SPAG17: variants seen among roughly 807,000 people sequenced by gnomAD.
The protein encoded by SPAG17 is sperm associated antigen 17.
SPAG17 carries 169 observed loss-of-function variants against 273.6 expected under a neutral mutation model. The ratio of observed to expected loss-of-function variants is 0.62; its 90% confidence interval spans 0.55 to 0.70. The LOEUF (loss-of-function observed/expected upper bound fraction) is 0.70, where lower values mean the gene tolerates loss of function less well. Among genes scored for constraint, SPAG17 ranks in the 30% least tolerant of loss-of-function variants. SPAG17 has a pLI of 0.00. For synonymous variants in SPAG17, 825 were observed against 873.2 expected (o/e 0.94, Z 0.97); for missense variants, 2,557 against 2,627.8 (o/e 0.97, Z 0.59).
intron 35 of SPAG17, among the ~76,000 whole-genome samples, chr1:117,993,408 T>C (rs190906402): frequency 6.6e-6 from 1 of 152,298 alleles, no homozygotes; most frequent in Admixed American, 6.5e-5. Flanking sequence ...TTTGTCATCA[T>C]GTAGTACTTA....
intron 20 of SPAG17, among the ~76,000 whole-genome samples, chr1:118,043,801 G>A (rs1331630880): frequency 6.6e-6 from 1 of 152,200 alleles, no homozygotes; most frequent in Non-Finnish European, 1.5e-5. Context: ...TATTCGTCCA[G>A]TATTAAAAAA....
At chr1:118,132,144 CACTGGGA>C (rs1658087558) in intron 3 of SPAG17, among the ~76,000 whole-genome samples, 1 of 152,174 alleles carries the variant, frequency 6.6e-6, no homozygotes, top group South Asian at 2.1e-4. Context: ...GCCTTCTCCA[CACTGGGA>C]GAGTCAGCAA....
intron 43 of SPAG17, among the ~76,000 whole-genome samples, chr1:117,977,155 C>CAA (rs5777331): frequency 6.4e-5 from 9 of 141,344 alleles, no homozygotes; most frequent in East Asian, 2.1e-4. Context: ...ACTAAAAATA[C>CAA]AAAAAAAAAA....
chr1:118,000,239 T>C (rs1389762437), intron 32 of SPAG17, among the ~76,000 whole-genome samples: 2 of 152,342 alleles, frequency 1.3e-5, no homozygotes, highest in South Asian at 2.1e-4. Flanking sequence ...TGTAGTATAG[T>C]TTGAAGTCAG....
chr1:117,966,237 G>A (rs1653826539), intron 47 of SPAG17: 1 of 162,232 alleles, frequency 6.2e-6, no homozygotes, highest in Non-Finnish European at 1.3e-5. Flanking sequence ...TGATAAGGAG[G>A]AATGCATGCA....
At chr1:118,126,359 C>G (rs1236568508) in intron 3 of SPAG17, among the ~76,000 whole-genome samples, 1 of 151,396 alleles carries the variant, frequency 6.6e-6, no homozygotes, top group Non-Finnish European at 1.5e-5. Flanking sequence ...GCGCCCGCCA[C>G]TACACCCAGC....
At chr1:117,983,335 G>A (rs972983923) in intron 42 of SPAG17, among the ~76,000 whole-genome samples, 17 of 152,178 alleles carry the variant, frequency 1.1e-4, no homozygotes, top group Non-Finnish European at 2.2e-4. Context: ...AGATTTGGGT[G>A]GGGACAAAAC....
chr1:117,996,823 CAG>C, intron 32 of SPAG17, 80 bp from the exon 33 acceptor site: 2 of 1,417,520 alleles, frequency 1.4e-6, no homozygotes, highest in Non-Finnish European at 1.9e-6. Flanking sequence ...TTTGAGAAAA[CAG>C]ATGATTTGGT....
At chr1:118,056,588 G>C (rs1461392690) in intron 18 of SPAG17, among the ~76,000 whole-genome samples, 2 of 152,094 alleles carry the variant, frequency 1.3e-5, no homozygotes, top group Non-Finnish European at 2.9e-5. Context: ...TCCAAAGAGA[G>C]TTGTTTCTGA....
At chr1:118,139,130 T>A (rs549750908) in intron 3 of SPAG17, among the ~76,000 whole-genome samples, 8 of 151,378 alleles carry the variant, frequency 5.3e-5, no homozygotes, top group Non-Finnish European at 7.4e-5. Context: ...AAAAAAAATT[T>A]AAAAAAAATG....
intron 43 of SPAG17, among the ~76,000 whole-genome samples, chr1:117,976,503 G>A (rs1206431507): frequency 1.3e-5 from 2 of 152,190 alleles, no homozygotes; most frequent in African/African-American, 2.4e-5. Flanking sequence ...ACCAACAAAT[G>A]TGTCTGTGGA....
chr1:118,158,266 C>T (rs1195576406), intron 1 of SPAG17, among the ~76,000 whole-genome samples: 2 of 152,148 alleles, frequency 1.3e-5, no homozygotes, highest in Non-Finnish European at 2.9e-5. Context: ...GAGACATTAA[C>T]CTATCACCAA....
chr1:118,077,239 T>C (rs1654177490), intron 15 of SPAG17, among the ~76,000 whole-genome samples: 1 of 152,012 alleles, frequency 6.6e-6, no homozygotes. Flanking sequence ...CAAAGTCCCA[T>C]ACTCACAACA....
intron 27 of SPAG17, 80 bp from the exon 28 acceptor site, chr1:118,023,543 G>C: frequency 7.4e-7 from 1 of 1,354,188 alleles, no homozygotes; most frequent in Non-Finnish European, 1.0e-6. Context: ...GTGTCAAATG[G>C]AAATAGCTTC....
intron 3 of SPAG17, among the ~76,000 whole-genome samples, chr1:118,134,418 T>C (rs762713429): frequency 4.6e-5 from 7 of 152,212 alleles, no homozygotes; most frequent in Non-Finnish European, 7.3e-5. Flanking sequence ...ACCTACCTAA[T>C]ATATGAGGTA....
rs772923474 is a variant in SPAG17 at position 118,023,384 on chromosome 1, G to C, written c.3989C>G (p.Pro1330Arg). 8.7e-6 allele frequency: 14 copies of C among 1,612,776 alleles called. No individual in the cohort carries two copies. Among genetic ancestry groups the C allele is most frequent in the Admixed American group, 8.3e-5 (5 of 59,930 alleles). Residue 1330 changes from proline to arginine, a missense_variant, in exon 28 of 49, where the codon CCT (proline) becomes CGT (arginine). By Grantham distance (103) the Pro-to-Arg change is moderately radical (BLOSUM62 -2). Transcript: ENST00000336338. ...ICPPSEMPATPHSGDLMDSIS... is the reference protein window; with the variant it reads ...ICPPSEMPATRHSGDLMDSIS... The stretch of plus-strand genomic sequence containing the variant: ...AGAGTCCATCAAATCTCCACTGTGA[G>C]GCGTTGCTGGCATTTCAGAAGGAGG...
At chr1:118,005,295 G>GT in intron 32 of SPAG17, 119 bp downstream of exon 32, 1 of 774,398 alleles carries the variant, frequency 1.3e-6, no homozygotes, top group Admixed American at 3.2e-5. Flanking sequence ...AGTATTGGCA[G>GT]TAAGTGGATA....
In SPAG17 at chr1:118,148,163, G is replaced by T. The variant is rs17257736; in HGVS notation, c.315+2380C>A. On this transcript the variant is annotated intron_variant, in intron 3 of 48. Transcript: ENST00000336338. ...AGTGCAGAGTTTCCTTTGAGAAATGGGATGTTGCAAGACTTTCGCTCCTCA... is the reference window on the plus strand; with the variant it reads ...AGTGCAGAGTTTCCTTTGAGAAATGTGATGTTGCAAGACTTTCGCTCCTCA... 1.3e-5 allele frequency among the ~76,000 whole-genome samples: 2 copies of T among 152,068 alleles called. 1 individual carries two copies. The highest frequency in any genetic ancestry group is 4.2e-4 in the South Asian group (2 of 4,810).
Position 117,988,223 on chromosome 1 carries a change from T to G in SPAG17, c.5522-19A>C, listed in dbSNP as rs528622806. 6.4e-7 allele frequency: 1 copy of G among 1,556,778 alleles called. No individual in the cohort carries two copies. Among genetic ancestry groups the G allele is most frequent in the South Asian group, 1.2e-5 (1 of 80,676 alleles). ...GCTGCAACTTTAAACATAGATGTATTTAACTTTTATCCCCACTTCTTTATA... is the reference window on the plus strand; with the variant it reads ...GCTGCAACTTTAAACATAGATGTATGTAACTTTTATCCCCACTTCTTTATA... On this transcript the variant is annotated intron_variant, in intron 38 of 48. Transcript: ENST00000336338.
Sources: gnomAD v4.1 joint callset for allele counts (sites outside exome capture counted in the v4.1 genomes callset) on GRCh38, gnomAD v4.1.1 for gene constraint, MANE v1.5 for transcripts, NCBI Gene and HGNC (gene_info 2026-07-23, HGNC 2026-07-21) for gene names.